SPMIP11: variants seen among roughly 807,000 people sequenced by gnomAD.
The protein encoded by SPMIP11 is sperm microtubule inner protein 11.
At chr12:48,768,945 G>A in the SPMIP11 span, 19 of 1,611,034 alleles carry the variant, frequency 1.2e-5, no homozygotes, top group Non-Finnish European at 1.4e-5. Context: ...ACCTGGATTC[G>A]GTCGGGGACC....
At chr12:48,762,178 C>T in the SPMIP11 span, among the ~76,000 whole-genome samples, 7 of 148,274 alleles carry the variant, frequency 4.7e-5, no homozygotes, top group Non-Finnish European at 7.4e-5. Flanking sequence ...CCTGCCTCAG[C>T]CTCCCGAGTA....
the SPMIP11 span, among the ~76,000 whole-genome samples, chr12:48,756,027 G>A: frequency 6.6e-6 from 1 of 151,464 alleles, no homozygotes; most frequent in Admixed American, 6.6e-5. Flanking sequence ...ACAGGCCCCT[G>A]CCACCACACC....
At chr12:48,741,157 G>C in the SPMIP11 span, among the ~76,000 whole-genome samples, 1 of 144,458 alleles carries the variant, frequency 6.9e-6, no homozygotes, top group Non-Finnish European at 1.5e-5. Context: ...AGTCCAGGTT[G>C]AAGCGATTCT....
the SPMIP11 span, among the ~76,000 whole-genome samples, chr12:48,748,558 C>T: frequency 6.6e-6 from 1 of 151,582 alleles, no homozygotes; most frequent in Non-Finnish European, 1.5e-5. Flanking sequence ...CAAACTCAAG[C>T]GGGTCTTGTT....
the SPMIP11 span, among the ~76,000 whole-genome samples, chr12:48,737,022 T>C: frequency 6.6e-6 from 1 of 151,922 alleles, no homozygotes; most frequent in East Asian, 1.9e-4. Flanking sequence ...AAATCTTGGC[T>C]CACTGCAACC....
chr12:48,745,372 A>G, the SPMIP11 span, among the ~76,000 whole-genome samples: 1 of 152,024 alleles, frequency 6.6e-6, no homozygotes, highest in Non-Finnish European at 1.5e-5. Flanking sequence ...CCAGAGGCTG[A>G]GGCAGGCAGT....
At chr12:48,770,382 C>T in the SPMIP11 span, among the ~76,000 whole-genome samples, 1 of 152,104 alleles carries the variant, frequency 6.6e-6, no homozygotes, top group Non-Finnish European at 1.5e-5. Context: ...TCCCATCCAC[C>T]AGTTCATTTG....
chr12:48,730,155 A>G, the SPMIP11 span, among the ~76,000 whole-genome samples: 30 of 152,272 alleles, frequency 2.0e-4, no homozygotes, highest in Admixed American at 1.8e-3. Flanking sequence ...GCACTGTTGA[A>G]CAAGACTTGA....
chr12:48,734,799 C>A, the SPMIP11 span, among the ~76,000 whole-genome samples: 6 of 151,674 alleles, frequency 4.0e-5, no homozygotes, highest in East Asian at 1.2e-3. Context: ...GTCAGCAGAT[C>A]GAGACCATCC....
chr12:48,737,243 G>A, the SPMIP11 span, among the ~76,000 whole-genome samples: 3 of 151,962 alleles, frequency 2.0e-5, no homozygotes, highest in South Asian at 2.1e-4. Context: ...GAGCCACATC[G>A]CCCGGTCTCT....
the SPMIP11 span, among the ~76,000 whole-genome samples, chr12:48,762,477 C>T: frequency 6.8e-6 from 1 of 146,384 alleles, no homozygotes; most frequent in East Asian, 2.1e-4. Context: ...AAGCGATTCT[C>T]CTGTCTCAGC....
chr12:48,766,097 AG>A, the SPMIP11 span: 1 of 156,958 alleles, frequency 6.4e-6, no homozygotes, highest in African/African-American at 2.4e-5. Context: ...CACAGACAAG[AG>A]GCCCACGGAG....
chr12:48,758,061 G>T, the SPMIP11 span, among the ~76,000 whole-genome samples: 1 of 152,084 alleles, frequency 6.6e-6, no homozygotes, highest in Non-Finnish European at 1.5e-5. Flanking sequence ...CCGGCACTTC[G>T]GGACGCTGAG....
At chr12:48,744,517 T>C in the SPMIP11 span, among the ~76,000 whole-genome samples, 61 of 152,210 alleles carry the variant, frequency 4.0e-4, 1 homozygote, top group Middle Eastern at 6.8e-3. Flanking sequence ...GCAGATTGCC[T>C]GAGTTCAGGA....
At chr12:48,756,073 C>T in the SPMIP11 span, among the ~76,000 whole-genome samples, 3 of 150,916 alleles carry the variant, frequency 2.0e-5, no homozygotes, top group South Asian at 2.1e-4. Flanking sequence ...TTAGTAGAGA[C>T]GGGGTTTCAC....
the SPMIP11 span, among the ~76,000 whole-genome samples, chr12:48,762,051 T>C: frequency 8.1e-6 from 1 of 124,044 alleles, no homozygotes; most frequent in Non-Finnish European, 1.7e-5. Context: ...AACATTCTTT[T>C]TTTTTTTTTT....
the SPMIP11 span, among the ~76,000 whole-genome samples, chr12:48,729,728 G>A: frequency 5.9e-5 from 8 of 135,110 alleles, no homozygotes; most frequent in African/African-American, 1.4e-4. Context: ...AAAAAAAAAA[G>A]ATTGTAAAGA....
chr12:48,746,436 G>A, the SPMIP11 span, among the ~76,000 whole-genome samples: 1 of 143,670 alleles, frequency 7.0e-6, no homozygotes, highest in African/African-American at 2.6e-5. Flanking sequence ...GCACAATCTC[G>A]GCTCACTGCA....
chr12:48,756,812 T>C, the SPMIP11 span, among the ~76,000 whole-genome samples: 2 of 149,320 alleles, frequency 1.3e-5, no homozygotes, highest in Non-Finnish European at 3.0e-5. Context: ...GTTTCACTCT[T>C]GTCTCCCAGG....
Sources: allele counts gnomAD v4.1 joint callset (sites outside exome capture counted in the v4.1 genomes callset), GRCh38; gene constraint gnomAD v4.1.1; transcripts MANE v1.5; gene names NCBI Gene and HGNC (gene_info 2026-07-23, HGNC 2026-07-21).